ELF2: variants seen among roughly 807,000 people sequenced by gnomAD.
The protein encoded by ELF2 is ETS-related transcription factor Elf-2.
A neutral mutation model predicts 54.8 loss-of-function variants in ELF2; 11 were observed. The ratio of observed to expected loss-of-function variants is 0.20; its 90% CI spans 0.13 to 0.33. ELF2 has a LOEUF of 0.33. Ranked by LOEUF, ELF2 falls within the 10% of genes least tolerant of loss-of-function variation. The pLI is 1.00. For synonymous variants in ELF2, 203 were observed against 245.1 expected (o/e 0.83, Z 1.61); for missense variants, 513 against 703.0 (o/e 0.73, Z 3.06).
intron 6 of ELF2, among the ~76,000 whole-genome samples, chr4:139,068,545 T>C (rs1729053873): frequency 6.6e-6 from 1 of 152,160 alleles, no homozygotes; most frequent in Non-Finnish European, 1.5e-5. Context: ...GTGTTTCAAT[T>C]TCCCCACTTC....
At chr4:139,100,837 C>G (rs1733807205) in intron 4 of ELF2, among the ~76,000 whole-genome samples, 2 of 152,218 alleles carry the variant, frequency 1.3e-5, no homozygotes, top group South Asian at 4.1e-4. Flanking sequence ...ATCACTTTGG[C>G]TACTATGGTG....
chr4:139,173,100 G>C (rs1050173287), intron 1 of ELF2, among the ~76,000 whole-genome samples: 6 of 152,178 alleles, frequency 3.9e-5, no homozygotes, highest in Non-Finnish European at 7.4e-5. Flanking sequence ...AAACCAATCA[G>C]TGATTGCCTG....
At chr4:139,157,392 C>T (rs758177797) in intron 1 of ELF2, among the ~76,000 whole-genome samples, 2 of 151,950 alleles carry the variant, frequency 1.3e-5, no homozygotes, top group Admixed American at 1.3e-4. Flanking sequence ...GTGACATCAT[C>T]AAAATTCTGT....
chr4:139,176,048 T>C (rs1160831465), intron 1 of ELF2, among the ~76,000 whole-genome samples: 2 of 152,202 alleles, frequency 1.3e-5, no homozygotes, highest in Admixed American at 1.3e-4. Flanking sequence ...ACAAAGCTCC[T>C]GGGGTAGAGT....
At chr4:139,114,558 G>GTCTCCAGTCTC (rs1354000674) in intron 4 of ELF2, among the ~76,000 whole-genome samples, 1 of 27,132 alleles carries the variant, frequency 3.7e-5, no homozygotes, top group East Asian at 1.7e-3. Context: ...CGAGACTTCA[G>GTCTCCAGTCTC]TCTCACACAC....
intron 4 of ELF2, among the ~76,000 whole-genome samples, chr4:139,109,601 A>T (rs1219749128): frequency 6.6e-6 from 1 of 152,246 alleles, no homozygotes; most frequent in Non-Finnish European, 1.5e-5. Flanking sequence ...AAATCTGTTT[A>T]ATTTTCCTTC....
At position 139,082,940 on chromosome 4, in the gene ELF2, G is replaced by A. The variant is rs370913949; in HGVS notation, c.239-9373C>T. On this transcript the variant is annotated intron_variant, in intron 4 of 9. Transcript: ENST00000686138. ...CGTGCCCTTCCGCTGCAGCAGTGGC[G>A]CCGCACATCCCCCACCCCTGCGGCC... Among the ~76,000 whole-genome samples the A allele has an allele frequency of 2.9e-4, 44 of 152,222 alleles. No individual in the cohort carries two copies. In the South Asian group the frequency reaches 9.1e-3, roughly 32 times the overall value.
chr4:139,100,623 A>G (rs1733786185), intron 4 of ELF2: 1 of 152,198 alleles, frequency 6.6e-6, no homozygotes, highest in African/African-American at 2.4e-5. Context: ...TAACCACTGT[A>G]CTCCAGCTTG....
intron 4 of ELF2, among the ~76,000 whole-genome samples, chr4:139,092,414 T>TAACATAACATACATA (rs70940488): frequency 5.7e-5 from 5 of 87,756 alleles, no homozygotes; most frequent in African/African-American, 1.7e-4. Flanking sequence ...TAACATAACA[T>TAACATAACATACATA]ACATAACATA....
chr4:139,143,449 A>G (rs1273423737), intron 1 of ELF2, among the ~76,000 whole-genome samples: 1 of 151,938 alleles, frequency 6.6e-6, no homozygotes, highest in Non-Finnish European at 1.5e-5. Context: ...AGCAAACCCC[A>G]TTTTACTCTT....
chr4:139,111,470 G>C (rs910774859), intron 4 of ELF2, among the ~76,000 whole-genome samples: 11 of 151,312 alleles, frequency 7.3e-5, no homozygotes, highest in Non-Finnish European at 1.3e-4. Flanking sequence ...TGGGACTACA[G>C]GTCCATGCCA....
At chr4:139,132,079 G>C (rs1737547830) in intron 3 of ELF2, among the ~76,000 whole-genome samples, 1 of 152,122 alleles carries the variant, frequency 6.6e-6, no homozygotes, top group African/African-American at 2.4e-5. Flanking sequence ...GAGGTGAGCA[G>C]ACAAAAGATG....
At chr4:139,098,122 T>C (rs771934326) in intron 4 of ELF2, among the ~76,000 whole-genome samples, 15 of 152,376 alleles carry the variant, frequency 9.8e-5, no homozygotes, top group Non-Finnish European at 1.9e-4. Flanking sequence ...TTAGGTACAA[T>C]GTCCTATATA....
chr4:139,074,011 C>T (rs11939084), intron 4 of ELF2, among the ~76,000 whole-genome samples: 1 of 152,002 alleles, frequency 6.6e-6, no homozygotes. Context: ...GCCTGTAATC[C>T]CAGCTACTCA....
At chr4:139,117,756 C>T (rs531823648) in intron 4 of ELF2, 1 of 153,094 alleles carries the variant, frequency 6.5e-6, no homozygotes, top group Admixed American at 6.5e-5. Context: ...TCAAGACCAT[C>T]CTGGCCAACC....
intron 4 of ELF2, among the ~76,000 whole-genome samples, chr4:139,099,170 C>T (rs974036883): frequency 2.0e-5 from 3 of 152,192 alleles, no homozygotes; most frequent in Non-Finnish European, 4.4e-5. Flanking sequence ...TCCCACTGTA[C>T]CTTTACCTGT....
At chr4:139,097,446 G>A (rs764935866) in intron 4 of ELF2, among the ~76,000 whole-genome samples, 6 of 151,922 alleles carry the variant, frequency 3.9e-5, no homozygotes, top group East Asian at 1.9e-4. Flanking sequence ...GTGAAACCCC[G>A]TCTCTACTAA....
At chr4:139,093,125 C>A (rs1342955626) in intron 4 of ELF2, among the ~76,000 whole-genome samples, 1 of 151,822 alleles carries the variant, frequency 6.6e-6, no homozygotes. Flanking sequence ...GCCACCACGC[C>A]CGGCTAATTT....
intron 6 of ELF2, among the ~76,000 whole-genome samples, chr4:139,067,980 T>C (rs896282394): frequency 3.3e-5 from 5 of 152,168 alleles, no homozygotes; most frequent in African/African-American, 9.7e-5. Context: ...GTCATACACA[T>C]TGGCAGAGCC....
Sources: gnomAD v4.1 joint callset for allele counts (sites outside exome capture counted in the v4.1 genomes callset) on GRCh38, gnomAD v4.1.1 for gene constraint, MANE v1.5 for transcripts, NCBI Gene and HGNC (gene_info 2026-07-23, HGNC 2026-07-21) for gene names.